SLC35F5: variants seen among roughly 807,000 people sequenced by gnomAD.
The protein encoded by SLC35F5 is solute carrier family 35 member F5, also known as HCV NS5A-transactivated protein 3.
A neutral mutation model predicts 68.6 loss-of-function variants in SLC35F5; 54 were observed. The ratio of observed to expected loss-of-function variants is 0.79; its 90% CI spans 0.63 to 0.99. The LOEUF is 0.99. SLC35F5 is among the 50% of genes least tolerant of loss of function. The pLI, the probability that SLC35F5 is intolerant of heterozygous loss-of-function variation, is 0.00. For synonymous variants in SLC35F5, 211 were observed against 205.2 expected, an observed-to-expected ratio of 1.03 and a Z score of -0.24; for missense variants, 567 against 626.9, an observed-to-expected ratio of 0.90 and a Z score of 1.02.
At chr2:113,755,626 T>C in intron 1 of SLC35F5, 82 bp from the exon 2 acceptor site, 2 of 1,328,490 alleles carry the variant, frequency 1.5e-6, no homozygotes, top group Non-Finnish European at 2.1e-6. Context: ...ACTCTTCATC[T>C]TCAAACTCAA....
chr2:113,704,687 C>T (rs9797939), downstream of SLC35F5, among the ~76,000 whole-genome samples: 13,616 of 151,782 alleles, frequency 0.09, 655 homozygotes, highest in Non-Finnish European at 0.11. Flanking sequence ...CAGGGCCTGC[C>T]GGCCGCTCCG....
At chr2:113,750,652 T>A in intron 3 of SLC35F5, 84 bp from the exon 4 acceptor site, 1 of 1,217,256 alleles carries the variant, frequency 8.2e-7, no homozygotes. Flanking sequence ...ACTACATGAT[T>A]TTTAACTCTT....
At chr2:113,715,763 C>CA (rs143630822) in intron 15 of SLC35F5, among the ~76,000 whole-genome samples, 2,169 of 141,480 alleles carry the variant, frequency 0.015, 34 homozygotes, top group Non-Finnish European at 0.026. Flanking sequence ...AATGTTGATG[C>CA]AAAAAAAAAA....
intron 9 of SLC35F5, among the ~76,000 whole-genome samples, chr2:113,733,979 TC>T (rs1204464366): frequency 6.6e-6 from 1 of 152,252 alleles, no homozygotes; most frequent in Non-Finnish European, 1.5e-5. Flanking sequence ...CTATGCTAGG[TC>T]TTTGATGACA....
chr2:113,725,639 G>C (rs1218037293), intron 11 of SLC35F5, 102 bp from the exon 12 acceptor site: 1 of 1,125,248 alleles, frequency 8.9e-7, no homozygotes, highest in Non-Finnish European at 1.2e-6. Context: ...AAAGCACTCT[G>C]GGAGGTTTCC....
Position 113,708,881 on chromosome 2 carries a change from G to A in SLC35F5, c.*6337C>T, listed in dbSNP as rs1184410985. ...TTTGAACATGCATTAGGTAACCAGG[G>A]GGCAACAGAGTAGGGACTAATAAGG... On this transcript the variant is annotated 3_prime_UTR_variant, in exon 16 of 16. Transcript: ENST00000245680. Among the ~76,000 whole-genome samples, 2 of 152,122 alleles carry A rather than the reference G, an allele frequency of 1.3e-5. No individual in the cohort carries two copies. The highest frequency in any genetic ancestry group is 2.9e-5 in the Non-Finnish European group (2 of 68,022).
chr2:113,721,926 T>C (rs1401391503), intron 13 of SLC35F5, among the ~76,000 whole-genome samples: 1 of 151,486 alleles, frequency 6.6e-6, no homozygotes, highest in Non-Finnish European at 1.5e-5. Flanking sequence ...AGAATTATTT[T>C]ATAAATAAAG....
Position 113,755,255 on chromosome 2 carries a change from A to G in SLC35F5, c.183T>C (p.Ser61=). 1 of 1,614,136 alleles carries G rather than the reference A, an allele frequency of 6.2e-7. No homozygotes were observed. Among genetic ancestry groups the G allele is most frequent in the Non-Finnish European group, 8.5e-7 (1 of 1,180,014 alleles). The change falls in exon 3 of 16, where the codon AGT becomes AGC. Residue 61 remains serine, a synonymous_variant. Coordinates refer to ENST00000245680, the MANE Select transcript of SLC35F5 (RefSeq NM_025181.5). ...CCATTCGCCTGCGCTGAGTGAAACC[A>G]CTGTTCTGGGAATTCATTCGGTTCA... ...FVMNRMNSQN[S]GFTQRRRMAL...
At chr2:113,747,245 C>A (rs1434128915) in intron 4 of SLC35F5, among the ~76,000 whole-genome samples, 5 of 151,554 alleles carry the variant, frequency 3.3e-5, no homozygotes, top group Non-Finnish European at 5.9e-5. Flanking sequence ...CGAGATCACG[C>A]CACTGCACTC....
chr2:113,723,219 C>A (rs751524982), intron 12 of SLC35F5, 25 bp from the exon 13 acceptor site: 2 of 1,488,022 alleles, frequency 1.3e-6, no homozygotes, highest in South Asian at 2.7e-5. Flanking sequence ...ATATACATTT[C>A]TATATTTAAA....
intron 15 of SLC35F5, chr2:113,717,496 A>G (rs1246190049): frequency 3.8e-6 from 1 of 262,270 alleles, no homozygotes; most frequent in East Asian, 6.8e-5. Flanking sequence ...AGTATTTACT[A>G]TTTTAACACC....
At chr2:113,750,771 A>G (rs116364716) in intron 3 of SLC35F5, among the ~76,000 whole-genome samples, 1,788 of 152,362 alleles carry the variant, frequency 0.012, 43 homozygotes, top group African/African-American at 0.04. Context: ...CAAACAAAGC[A>G]GCAACAGCTG....
In SLC35F5 at chr2:113,706,887, G is replaced by A. The variant is rs1004924281; in HGVS notation, c.*8331C>T. Among the ~76,000 whole-genome samples, 29 of 151,974 alleles carry A rather than the reference G, an allele frequency of 1.9e-4. No homozygotes were observed. The highest frequency in any genetic ancestry group is 7.0e-4 in the African/African-American group (29 of 41,372). On this transcript the variant is annotated 3_prime_UTR_variant, in exon 16 of 16. Coordinates refer to ENST00000245680, the MANE Select transcript of SLC35F5 (RefSeq NM_025181.5). Reference sequence around the variant, plus strand: ...TTAAAAATCACAAATCTTATATTTGGTTATCCACAGTCTATAAAATAATGT... The same window carrying A: ...TTAAAAATCACAAATCTTATATTTGATTATCCACAGTCTATAAAATAATGT...
At chr2:113,715,410 G>A (rs1342805036) in intron 15 of SLC35F5, among the ~76,000 whole-genome samples, 1 of 152,158 alleles carries the variant, frequency 6.6e-6, no homozygotes, top group East Asian at 1.9e-4. Context: ...ACTAAAGACT[G>A]TGTATTAGCA....
At chr2:113,754,309 A>G (rs1401983835) in intron 3 of SLC35F5, among the ~76,000 whole-genome samples, 5 of 151,674 alleles carry the variant, frequency 3.3e-5, no homozygotes, top group South Asian at 4.2e-4. Flanking sequence ...AAAAAAGAAA[A>G]AAAAAAAAAA....
intron 15 of SLC35F5, among the ~76,000 whole-genome samples, chr2:113,716,514 T>TATG (rs543489869): frequency 7.2e-5 from 11 of 152,072 alleles, no homozygotes; most frequent in Non-Finnish European, 1.3e-4. Context: ...GCAGAACTGA[T>TATG]ATGGAGACAG....
chr2:113,735,230 A>C (rs555957425), intron 8 of SLC35F5, among the ~76,000 whole-genome samples: 3 of 152,368 alleles, frequency 2.0e-5, no homozygotes, highest in African/African-American at 7.2e-5. Flanking sequence ...AAAATATTGT[A>C]AAGTATTTGA....
chr2:113,704,084 G>A (rs1313024808), downstream of SLC35F5: 1 of 152,292 alleles, frequency 6.6e-6, no homozygotes, highest in Non-Finnish European at 1.5e-5. Context: ...AAGGCAGTGT[G>A]GACCCAAAGA....
Position 113,750,506 on chromosome 2 carries a change from A to G in SLC35F5, c.336T>C (p.Val112=). The G allele has an allele frequency of 6.2e-7, 1 of 1,613,810 alleles. No individual in the cohort carries two copies. The highest frequency in any genetic ancestry group is 8.5e-7 in the Non-Finnish European group (1 of 1,179,830). The change falls in exon 4 of 16, where the codon GTT becomes GTC. Residue 112 remains valine (V), a synonymous_variant. Transcript: ENST00000245680. ...FSTFAKTSMF[V]LYLLGFIIWK... The stretch of plus-strand genomic sequence containing the variant: ...AAATAATAAAGCCCAAAAGGTACAA[A>G]ACAAACATAGATGTTTTTGCAAAGG...
Sources: gnomAD v4.1 joint callset for allele counts (sites outside exome capture counted in the v4.1 genomes callset) on GRCh38, gnomAD v4.1.1 for gene constraint, MANE v1.5 for transcripts, NCBI Gene and HGNC (gene_info 2026-07-23, HGNC 2026-07-21) for gene names.